Variants in TTN observed in about 807,000 individuals in gnomAD.
TTN encodes titin, also known as connectin.
A neutral mutation model predicts 3,223.0 loss-of-function variants in TTN; 1,525 were observed. The observed-to-expected ratio is 0.47, with a 90% CI of 0.45 to 0.49. The LOEUF is 0.49. Ranked by LOEUF, TTN falls within the 20% of genes least tolerant of loss-of-function variation. The pLI is 0.00. For synonymous variants in TTN, 14,094 were observed against 15,161.0 expected (o/e 0.93, Z 5.17); for missense variants, 40,786 against 43,424.0 (o/e 0.94, Z 5.40).
In TTN at chr2:178,569,084, A is replaced by G. The variant is rs1707153104; in HGVS notation, c.77048T>C (p.Ile25683Thr). 6.2e-7 allele frequency: 1 copy of G among 1,613,436 alleles called. No individual in the cohort carries two copies. The highest frequency in any genetic ancestry group is 8.5e-7 in the Non-Finnish European group (1 of 1,179,562). ...ATCAGCAGTCTGGGCAGGAAGGCCA[A>G]TACCATACTCATTCTCAGCTGTGAC... ...FRVTAENEYG[I>T]GLPAQTADPI... is the part of the protein sequence containing the mutation. Residue 25683 changes from isoleucine to threonine, a missense_variant, in exon 326 of 363, where the codon ATT (isoleucine) becomes ACT (threonine). Ile to Thr is a moderately conservative substitution (Grantham distance 89). Transcript: ENST00000589042.
Position 178,602,520 on chromosome 2 carries a change from T to G in TTN, c.54882A>C (p.Lys18294Asn), listed in dbSNP as rs770482704. 1.2e-6 allele frequency: 2 copies of G among 1,608,864 alleles called. No homozygotes were observed. The highest frequency in any genetic ancestry group is 1.7e-6 in the Non-Finnish European group (2 of 1,177,254). Reference protein sequence around the residue: ...KTKSSISLGWKPPAKDGGSPI... With the variant: ...KTKSSISLGWNPPAKDGGSPI... Reference sequence around the variant, plus strand: ...GGCTGCCACCATCTTTGGCTGGAGGTTTCCATCCTAGTGAGATGCTTGACT... The same window carrying G: ...GGCTGCCACCATCTTTGGCTGGAGGGTTCCATCCTAGTGAGATGCTTGACT... The change falls in exon 283 of 363, where the codon AAA (lysine) becomes AAC (asparagine). Residue 18294 changes from lysine to asparagine, a missense_variant. By Grantham distance (94) the Lys-to-Asn change is moderately conservative. Coordinates refer to ENST00000589042, the MANE Select transcript of TTN (RefSeq NM_001267550.2).
At position 178,585,347 on chromosome 2, in the gene TTN, A is replaced by G; in HGVS notation, c.64397T>C (p.Leu21466Ser). 2 of 1,567,344 alleles carry G rather than the reference A, an allele frequency of 1.3e-6. No homozygotes were observed. The change falls in exon 309 of 363, where the codon TTG becomes TCG. Residue 21466 changes from leucine (L) to serine (S), a missense_variant and splice_region_variant. Coordinates refer to ENST00000589042, the MANE Select transcript of TTN (RefSeq NM_001267550.2). The stretch of plus-strand genomic sequence containing the variant: ...CTCTGGCATAAGGATCTTTGGTGGC[A>G]CTGAAAGTAAAATGAAAAGATATTA... ...EGVYEAKEQLLPPKILMPEQI... is the reference protein window; with the variant it reads ...EGVYEAKEQLSPPKILMPEQI...
In TTN at chr2:178,776,679, T is replaced by G. The variant is rs752183514; in HGVS notation, c.5185A>C (p.Ile1729Leu). ...PAHFECRLTPIGDPTMVVEWL... is the reference protein window; with the variant it reads ...PAHFECRLTPLGDPTMVVEWL... ...TCCACCACCATCGTTGGGTCACCAA[T>G]GGGTGTTAGCCTGCATTCAAAGTGG... The change falls in exon 28 of 363, where the codon ATT (isoleucine) becomes CTT (leucine). Residue 1729 changes from isoleucine to leucine, a missense_variant. Ile to Leu is a conservative substitution (Grantham distance 5). Transcript: ENST00000589042. 2.5e-6 allele frequency: 4 copies of G among 1,614,146 alleles called. No homozygotes were observed. The highest frequency in any genetic ancestry group is 3.4e-6 in the Non-Finnish European group (4 of 1,180,020).
At chr2:178,627,842 T>C (rs1200942153) in intron 240 of TTN, among the ~76,000 whole-genome samples, 2 of 152,070 alleles carry the variant, frequency 1.3e-5, no homozygotes, top group Non-Finnish European at 2.9e-5. Context: ...TTCCTATATA[T>C]AAATCATGAA....
intron 219 of TTN, among the ~76,000 whole-genome samples, 174 bp downstream of exon 219, chr2:178,642,062 TA>T (rs991939114): frequency 2.3e-4 from 34 of 150,532 alleles, no homozygotes; most frequent in East Asian, 1.9e-3. Flanking sequence ...CTTTTTTTTT[TA>T]AAAAAAAAGA....
At chr2:178,755,495 A>G (rs973965798) in intron 46 of TTN, among the ~76,000 whole-genome samples, 6 of 151,932 alleles carry the variant, frequency 3.9e-5, no homozygotes, top group Admixed American at 2.0e-4. Flanking sequence ...GAGTACAGTG[A>G]CCCTATTTCG....
At position 178,709,593 on chromosome 2, in the gene TTN, G is replaced by C. The variant is rs780753483; in HGVS notation, c.28726C>G (p.Leu9576Val). Residue 9576 changes from leucine to valine, a missense_variant, in exon 99 of 363, where the codon CTG becomes GTG. Physicochemically the swap from Leu to Val is conservative, Grantham distance 32 (BLOSUM62 1). Coordinates refer to ENST00000589042, the MANE Select transcript of TTN (RefSeq NM_001267550.2). ...TTGATGACGATTGAAGACGTGCACA[G>C]AGCAGAGCCTGCATCATTGGACACT... Reference protein sequence around the residue: ...CKVSNDAGSALCTSSIVIKEP... With the variant: ...CKVSNDAGSAVCTSSIVIKEP... 3 of 1,613,560 alleles carry C rather than the reference G, an allele frequency of 1.9e-6. No homozygotes were observed. The Admixed American group carries it at 5.0e-5, about 27-fold the overall frequency.
intron 233 of TTN, 57 bp downstream of exon 233, chr2:178,633,130 T>G: frequency 6.3e-7 from 1 of 1,599,666 alleles, no homozygotes. Context: ...TATGCCTTTT[T>G]TCACCCTACA....
At chr2:178,684,642 T>C in intron 131 of TTN, 24 bp downstream of exon 131, 1 of 1,597,058 alleles carries the variant, frequency 6.3e-7, no homozygotes, top group Non-Finnish European at 8.5e-7. Context: ...GTTCCTAGTT[T>C]TTCTGCTGGG....
chr2:178,598,386 T>G, intron 292 of TTN, 120 bp downstream of exon 292: 1 of 1,219,436 alleles, frequency 8.2e-7, no homozygotes, highest in Non-Finnish European at 1.1e-6. Flanking sequence ...GAGTTAAAAT[T>G]ATGCTATTTT....
Position 178,531,008 on chromosome 2 carries a change from CCA to C in TTN, c.105605_105606del (p.Val35202GlyfsTer5), listed in dbSNP as rs886043462. The C allele has an allele frequency of 1.2e-6, 2 of 1,613,932 alleles. No homozygotes were observed. Among genetic ancestry groups the C allele is most frequent in the Non-Finnish European group, 1.7e-6 (2 of 1,179,896 alleles). The part of the protein sequence containing the change: ...QASDEGNYSV[V>X]VENSEGKQEA... ...TCTTGTTTCCCTTCACTGTTTTCTA[CCA>C]CCACGCTGTAATTGCCCTCATCGGA... On this transcript the variant is annotated frameshift_variant, in exon 358 of 363. Transcript: ENST00000589042. LOFTEE classifies it high-confidence loss of function.
At chr2:178,674,210 G>T (rs926850797) in intron 151 of TTN, 104 bp downstream of exon 151, 19 of 717,606 alleles carry the variant, frequency 2.6e-5, no homozygotes, top group Non-Finnish European at 9.7e-6. Flanking sequence ...CTTTATCATG[G>T]ATACGATATA....
rs78765272 is a variant in TTN, at chr2:178,792,848, G to C, written c.1536+556C>G. Among the ~76,000 whole-genome samples, 528 of 152,300 alleles carry C rather than the reference G, an allele frequency of 3.5e-3. 6 individuals carry two copies. The highest frequency in any genetic ancestry group is 0.012 in the African/African-American group (481 of 41,544). ...CACCCAACTGCCAACTGGTTCCACT[G>C]GCCAAGAGCTCTACTAACTGGCATT... On this transcript the variant is annotated intron_variant, in intron 9 of 362. Coordinates refer to ENST00000589042, the MANE Select transcript of TTN (RefSeq NM_001267550.2).
At chr2:178,622,960 CA>C (rs2058516455) in intron 242 of TTN, among the ~76,000 whole-genome samples, 193 bp from the exon 243 acceptor site, 1 of 151,862 alleles carries the variant, frequency 6.6e-6, no homozygotes, top group African/African-American at 2.4e-5. Flanking sequence ...CTTTAGTTTA[CA>C]TAAAATTATG....
rs778012263 is a variant in TTN, at chr2:178,714,364, C to G, written c.26410G>C (p.Ala8804Pro). The G allele has an allele frequency of 1.9e-6, 3 of 1,613,662 alleles. No individual in the cohort carries two copies. The highest frequency in any genetic ancestry group is 2.5e-6 in the Non-Finnish European group (3 of 1,179,756). Residue 8804 changes from alanine to proline, a missense_variant, in exon 91 of 363, where the codon GCT becomes CCT. Ala to Pro is a conservative substitution (Grantham distance 27). Coordinates refer to ENST00000589042, the MANE Select transcript of TTN (RefSeq NM_001267550.2). The part of the protein sequence containing the change: ...LQFSRVEPAN[A>P]GKYTCQIKND... ...TTGATCTGACAAGTGTATTTTCCAG[C>G]ATTGGCTGGTTCCACTCTTGAAAAC...
chr2:178,738,501 A>G (rs934713890), intron 48 of TTN, 141 bp from the exon 49 acceptor site: 5 of 1,043,092 alleles, frequency 4.8e-6, no homozygotes, highest in Non-Finnish European at 5.3e-6. Context: ...AAGGCAAGTG[A>G]CTGGAAAATG....
Position 178,532,670 on chromosome 2 carries a change from G to A in TTN, c.103945C>T (p.Arg34649Ter), listed in dbSNP as rs995029896. ...TPSPDYDFYYRPRRRSLGDIS... is the reference protein window; with the variant it reads ...TPSPDYDFYY ...TCCCCAAGAGAACGTCTTCTAGGTC[G>A]GTAGTAAAAGTCATAATCAGGAGAA... Residue 34649 changes from arginine (R) to a stop codon, truncating the protein, a stop_gained, in exon 358 of 363, where the codon CGA (arginine) becomes TGA (stop). Transcript: ENST00000589042. LOFTEE classifies it high-confidence loss of function. 5.6e-6 allele frequency: 9 copies of A among 1,613,820 alleles called. No individual in the cohort carries two copies. Among genetic ancestry groups the A allele is most frequent in the East Asian group, 2.2e-5 (1 of 44,888 alleles).
chr2:178,768,877 T>C lies in TTN; in HGVS notation c.8959A>G (p.Thr2987Ala). Residue 2987 changes from threonine (T) to alanine (A), a missense_variant, in exon 38 of 363, where the codon ACT (threonine) becomes GCT (alanine). Physicochemically the swap from Thr to Ala is moderately conservative, Grantham distance 58. Transcript: ENST00000589042. The stretch of plus-strand genomic sequence containing the variant: ...TCATAGTTCACTGTCACCTCAAAAG[T>C]AATAGTGTCTTTTTCTTCAGCGTTG... The part of the protein sequence containing the change: ...DINAEEKDTI[T>A]FEVTVNYEGI... The C allele has an allele frequency of 6.2e-7, 1 of 1,614,052 alleles. No homozygotes were observed. The highest frequency in any genetic ancestry group is 8.5e-7 in the Non-Finnish European group (1 of 1,179,998).
Position 178,642,193 on chromosome 2 carries a change from T to A in TTN, c.40558+44A>T, listed in dbSNP as rs761389515. On this transcript the variant is annotated intron_variant, in intron 219 of 362. Transcript: ENST00000589042. ...TTTTGTAAGCTTTCAAGTTCATTTTTAAAATATACTTAACGCTGACAGAAT... is the reference window on the plus strand; with the variant it reads ...TTTTGTAAGCTTTCAAGTTCATTTTAAAAATATACTTAACGCTGACAGAAT... 8.2e-6 allele frequency: 12 copies of A among 1,470,562 alleles called. No homozygotes were observed. The Admixed American group carries it at 1.6e-4, about 20-fold the overall frequency. The allele number at this position is 1,470,562 out of a possible 1,614,324, so 91.1% of individuals were successfully genotyped here.
Sources: gnomAD v4.1 joint callset for allele counts (sites outside exome capture counted in the v4.1 genomes callset) on GRCh38, gnomAD v4.1.1 for gene constraint, MANE v1.5 for transcripts, NCBI Gene and HGNC (gene_info 2026-07-23, HGNC 2026-07-21) for gene names.